Variants in AKAP7 observed in about 807,000 individuals in gnomAD.
AKAP7 encodes the protein A kinase (PRKA) anchor protein 7.
Under a neutral mutation model 39.5 loss-of-function variants are expected in AKAP7, and 39 were observed. That is an observed-to-expected ratio of 0.99 (90% confidence interval 0.76 to 1.29). AKAP7 has a LOEUF of 1.29. AKAP7 is among the 50% of genes most tolerant of loss of function. The pLI is 0.00. For synonymous variants in AKAP7, 140 were observed against 139.1 expected (o/e 1.01, Z -0.05); for missense variants, 414 against 407.7 (o/e 1.02, Z -0.13).
chr6:131,177,775 C>T (rs1197224518), intron 5 of AKAP7, among the ~76,000 whole-genome samples: 1 of 152,204 alleles, frequency 6.6e-6, no homozygotes, highest in African/African-American at 2.4e-5. Flanking sequence ...ATTCCAAATT[C>T]TGTGCTCTTA....
At chr6:131,184,886 C>A in intron 5 of AKAP7, 1 of 1,212,112 alleles carries the variant, frequency 8.3e-7, no homozygotes, top group Non-Finnish European at 1.2e-6. Flanking sequence ...TTATCCTGGT[C>A]CTCCAGGTTG....
intron 1 of AKAP7, among the ~76,000 whole-genome samples, chr6:131,138,909 A>G (rs1800800062): frequency 1.3e-5 from 2 of 152,184 alleles, no homozygotes; most frequent in African/African-American, 4.8e-5. Flanking sequence ...CCTCATCTTT[A>G]TGTTATTAAT....
intron 6 of AKAP7, among the ~76,000 whole-genome samples, chr6:131,207,318 ATT>A (rs397830207): frequency 3.4e-4 from 47 of 139,960 alleles, no homozygotes; most frequent in African/African-American, 9.0e-4. Flanking sequence ...TACTCTACAC[ATT>A]TTTTTTTTTT....
chr6:131,197,850 A>G (rs774758913), intron 5 of AKAP7, among the ~76,000 whole-genome samples: 3 of 152,214 alleles, frequency 2.0e-5, no homozygotes, highest in Admixed American at 6.5e-5. Flanking sequence ...AAGTAGGACC[A>G]GGGGACCAAC....
intron 7 of AKAP7, among the ~76,000 whole-genome samples, chr6:131,246,731 A>G (rs189656503): frequency 6.6e-6 from 1 of 152,356 alleles, no homozygotes; most frequent in East Asian, 1.9e-4. Flanking sequence ...ATATTACTCT[A>G]GCAGCATTAG....
chr6:131,266,153 G>A (rs1813780280), intron 7 of AKAP7, among the ~76,000 whole-genome samples: 1 of 152,158 alleles, frequency 6.6e-6, no homozygotes, highest in Non-Finnish European at 1.5e-5. Context: ...TAGAGGACAA[G>A]ACTGGGATTG....
chr6:131,135,968 G>T (rs1013006463), intron 1 of AKAP7, among the ~76,000 whole-genome samples, 186 bp downstream of exon 1: 1 of 152,072 alleles, frequency 6.6e-6, no homozygotes, highest in Non-Finnish European at 1.5e-5. Context: ...CATCAGTGCT[G>T]CCTGTAGCGA....
upstream of AKAP7, among the ~76,000 whole-genome samples, chr6:131,134,449 C>T (rs1260151876): frequency 6.6e-6 from 1 of 152,170 alleles, no homozygotes; most frequent in African/African-American, 2.4e-5. Flanking sequence ...TATTCTCATC[C>T]TCTTCACTAT....
chr6:131,165,190 A>C lies in AKAP7; in HGVS notation c.401A>C (p.Gln134Pro). 3 of 1,607,950 alleles carry C rather than the reference A, an allele frequency of 1.9e-6. No homozygotes were observed. Among genetic ancestry groups the C allele is most frequent in the Non-Finnish European group, 2.5e-6 (3 of 1,176,862 alleles). ...TTTCATATTACCCTGCTGGTGATGC[A>C]ATTATTAAATGAAGATGAAGTAAAC... ...GSFHITLLVM[Q>P]LLNEDEVNIG... The change falls in exon 4 of 8, where the codon CAA (glutamine) becomes CCA (proline). Residue 134 changes from glutamine (Q) to proline (P), a missense_variant. Transcript: ENST00000431975.
chr6:131,150,288 A>G (rs966562512), intron 2 of AKAP7, among the ~76,000 whole-genome samples: 2 of 152,318 alleles, frequency 1.3e-5, no homozygotes, highest in African/African-American at 2.4e-5. Context: ...GGGAAATCGT[A>G]ATTTTGCTAC....
At position 131,219,736 on chromosome 6, in the gene AKAP7, A is replaced by G. The variant is rs1259565688; in HGVS notation, c.778A>G (p.Ile260Val). ...ATTTGGAGAAGAAATATTATATCGC[A>G]TAGATCTTTGCTCCATGCTGAAGAA... The part of the protein sequence containing the change: ...HRFGEEILYR[I>V]DLCSMLKKKQ... Residue 260 changes from isoleucine to valine, a missense_variant, in exon 7 of 8, where the codon ATA (isoleucine) becomes GTA (valine). Ile to Val is a conservative substitution (Grantham distance 29). Coordinates refer to ENST00000431975, the MANE Select transcript of AKAP7 (RefSeq NM_016377.4). 1.9e-6 allele frequency: 3 copies of G among 1,599,144 alleles called. No homozygotes were observed. Among genetic ancestry groups the G allele is most frequent in the Admixed American group, 1.7e-5 (1 of 57,720 alleles).
At chr6:131,240,532 C>T (rs1428806757) in intron 7 of AKAP7, among the ~76,000 whole-genome samples, 3 of 152,198 alleles carry the variant, frequency 2.0e-5, no homozygotes, top group Non-Finnish European at 4.4e-5. Flanking sequence ...AGGCAGGCCT[C>T]CTTGAGCTGC....
intron 6 of AKAP7, among the ~76,000 whole-genome samples, chr6:131,218,650 T>C (rs1471677500): frequency 6.6e-6 from 1 of 152,224 alleles, no homozygotes; most frequent in Non-Finnish European, 1.5e-5. Context: ...CATTGTATAG[T>C]ATAGCAGAGG....
chr6:131,224,647 A>G (rs1159619595), intron 7 of AKAP7, among the ~76,000 whole-genome samples: 2 of 149,450 alleles, frequency 1.3e-5, no homozygotes, highest in Middle Eastern at 3.6e-3. Context: ...CTCTTCAGCC[A>G]TCTCTGTTAT....
At chr6:131,165,505 C>T (rs1009813232) in intron 4 of AKAP7, among the ~76,000 whole-genome samples, 1 of 152,152 alleles carries the variant, frequency 6.6e-6, no homozygotes, top group African/African-American at 2.4e-5. Flanking sequence ...ATTCTAGATA[C>T]ATATTCTGGA....
At chr6:131,136,654 A>T (rs1309073336) in intron 1 of AKAP7, among the ~76,000 whole-genome samples, 2 of 152,214 alleles carry the variant, frequency 1.3e-5, no homozygotes, top group Non-Finnish European at 2.9e-5. Flanking sequence ...TTCCTTACTC[A>T]TAAAGTTTAA....
At chr6:131,206,579 C>A (rs1224839001) in intron 6 of AKAP7, among the ~76,000 whole-genome samples, 1 of 152,076 alleles carries the variant, frequency 6.6e-6, no homozygotes, top group Non-Finnish European at 1.5e-5. Flanking sequence ...AGAGGAAATT[C>A]CAGTTCCTGA....
Position 131,203,371 on chromosome 6 carries a change from G to T in AKAP7, c.702+3798G>T, listed in dbSNP as rs1467713775. 2.0e-5 allele frequency among the ~76,000 whole-genome samples: 3 copies of T among 152,068 alleles called. 1 individual carries two copies. Among genetic ancestry groups the T allele is most frequent in the Admixed American group, 2.0e-4 (3 of 15,260 alleles). ...AAGCAAGTGACCATTAAATAAAGAT[G>T]ATCGTGGAATGTATTGCTGGCTTTC... On this transcript the variant is annotated intron_variant, in intron 6 of 7. Coordinates refer to ENST00000431975, the MANE Select transcript of AKAP7 (RefSeq NM_016377.4).
chr6:131,184,280 A>G, intron 5 of AKAP7: 1 of 527,400 alleles, frequency 1.9e-6, no homozygotes, highest in Admixed American at 2.3e-5. Flanking sequence ...GAAGTGGAGG[A>G]GAGAAACAGC....
Sources: allele counts gnomAD v4.1 joint callset (sites outside exome capture counted in the v4.1 genomes callset), GRCh38; gene constraint gnomAD v4.1.1; transcripts MANE v1.5; gene names NCBI Gene and HGNC (gene_info 2026-07-23, HGNC 2026-07-21).